Variants in AFG2A observed in about 807,000 individuals in gnomAD.
AFG2A encodes the protein AAA ATPase AFG2A, also known as ATPase family gene 2 protein homolog A.
the AFG2A span, among the ~76,000 whole-genome samples, chr4:123,026,920 T>C: frequency 6.6e-6 from 1 of 152,234 alleles, no homozygotes; most frequent in East Asian, 1.9e-4. Flanking sequence ...TTTCTTTTCA[T>C]GTAACTTTTA....
At chr4:123,063,596 A>C in the AFG2A span, among the ~76,000 whole-genome samples, 1 of 152,074 alleles carries the variant, frequency 6.6e-6, no homozygotes, top group East Asian at 1.9e-4. Flanking sequence ...AATACAAAAA[A>C]TTAGCTGGGC....
At chr4:123,011,993 A>G in the AFG2A span, among the ~76,000 whole-genome samples, 3 of 128,008 alleles carry the variant, frequency 2.3e-5, no homozygotes, top group Admixed American at 2.3e-4. Flanking sequence ...CCCCCAGGAA[A>G]GTGGAGAAGG....
the AFG2A span, among the ~76,000 whole-genome samples, chr4:123,255,686 A>AG: frequency 6.6e-6 from 1 of 150,728 alleles, no homozygotes; most frequent in Non-Finnish European, 1.5e-5. Flanking sequence ...ATTGCTGAGA[A>AG]GGGCAAACCT....
the AFG2A span, among the ~76,000 whole-genome samples, chr4:123,031,200 G>A: frequency 6.6e-6 from 1 of 152,008 alleles, no homozygotes; most frequent in Non-Finnish European, 1.5e-5. Flanking sequence ...CGCCCAGGCT[G>A]GAGTGCAGTG....
chr4:123,224,183 G>A, the AFG2A span, among the ~76,000 whole-genome samples: 1 of 151,494 alleles, frequency 6.6e-6, no homozygotes, highest in Non-Finnish European at 1.5e-5. Flanking sequence ...TTGTTTTGTT[G>A]AGTCATCTCT....
chr4:123,098,496 A>G, the AFG2A span, among the ~76,000 whole-genome samples: 1 of 151,930 alleles, frequency 6.6e-6, no homozygotes, highest in Admixed American at 6.6e-5. Flanking sequence ...GAAGGTTTGT[A>G]TCCTTTGACC....
the AFG2A span, among the ~76,000 whole-genome samples, chr4:123,010,366 G>T: frequency 6.7e-6 from 1 of 150,116 alleles, no homozygotes; most frequent in African/African-American, 2.4e-5. Context: ...TTTTTGTCTA[G>T]TCCTTAATTT....
At chr4:123,164,855 T>C in the AFG2A span, among the ~76,000 whole-genome samples, 1 of 152,204 alleles carries the variant, frequency 6.6e-6, no homozygotes, top group African/African-American at 2.4e-5. Flanking sequence ...ATGATGGTAC[T>C]AAAGCAAACA....
chr4:122,991,958 T>G, the AFG2A span, among the ~76,000 whole-genome samples: 1 of 152,210 alleles, frequency 6.6e-6, no homozygotes, highest in Non-Finnish European at 1.5e-5. Context: ...TGCATACTGT[T>G]GCATAAAATA....
At chr4:123,227,657 T>C in the AFG2A span, among the ~76,000 whole-genome samples, 1 of 152,172 alleles carries the variant, frequency 6.6e-6, no homozygotes, top group Non-Finnish European at 1.5e-5. Context: ...GGAATAGGTA[T>C]GGTGTGGTGC....
chr4:123,006,057 C>T, the AFG2A span, among the ~76,000 whole-genome samples: 1 of 149,526 alleles, frequency 6.7e-6, no homozygotes, highest in Non-Finnish European at 1.5e-5. Flanking sequence ...GAAGTGCTTA[C>T]TTTAACATTT....
the AFG2A span, chr4:123,028,228 A>G: frequency 3.2e-5 from 51 of 1,614,140 alleles, no homozygotes; most frequent in Admixed American, 5.5e-4. Flanking sequence ...TATCAAACTG[A>G]AGTTGGAACA....
chr4:122,939,070 TCTTTC>T, the AFG2A span, among the ~76,000 whole-genome samples: 1 of 51,274 alleles, frequency 2.0e-5, no homozygotes, highest in Non-Finnish European at 6.1e-5. Flanking sequence ...GGGGATATGT[TCTTTC>T]TTTTTTTTTT....
the AFG2A span, among the ~76,000 whole-genome samples, chr4:123,125,786 C>T: frequency 2.0e-5 from 3 of 152,118 alleles, no homozygotes; most frequent in Admixed American, 6.6e-5. Context: ...CCAGTCCAGC[C>T]TCCGGTTTTG....
the AFG2A span, chr4:123,057,381 T>A: frequency 7.5e-7 from 1 of 1,339,220 alleles, no homozygotes; most frequent in Non-Finnish European, 1.0e-6. Context: ...GTATACAACT[T>A]TTATCTATTA....
the AFG2A span, chr4:123,057,392 A>G: frequency 1.6e-6 from 2 of 1,262,402 alleles, no homozygotes; most frequent in Non-Finnish European, 2.2e-6. Context: ...TTATCTATTA[A>G]TACATTTGGC....
chr4:123,117,727 T>C, the AFG2A span, among the ~76,000 whole-genome samples: 1 of 151,060 alleles, frequency 6.6e-6, no homozygotes. Context: ...AAAAAAAAAA[T>C]GCAGGTTGGA....
chr4:123,097,916 G>T, the AFG2A span, among the ~76,000 whole-genome samples: 22,717 of 152,100 alleles, frequency 0.15, 2,124 homozygotes, highest in East Asian at 0.45. Flanking sequence ...TAAATGATTA[G>T]GAAAATACTT....
the AFG2A span, among the ~76,000 whole-genome samples, chr4:123,215,955 T>G: frequency 2.6e-5 from 4 of 152,170 alleles, no homozygotes; most frequent in African/African-American, 9.7e-5. Flanking sequence ...TCTAAAAACT[T>G]AGGTTATTTT....
Sources: allele counts gnomAD v4.1 joint callset (sites outside exome capture counted in the v4.1 genomes callset), GRCh38; gene constraint gnomAD v4.1.1; transcripts MANE v1.5; gene names NCBI Gene and HGNC (gene_info 2026-07-23, HGNC 2026-07-21).